The following EP400 variants were observed in gnomAD, a reference collection of about 807,000 sequenced individuals.
EP400 encodes the protein E1A-binding protein p400.
EP400 carries 105 observed loss-of-function variants against 354.1 expected under a neutral mutation model. The ratio of observed to expected loss-of-function variants is 0.30; its 90% CI spans 0.25 to 0.35. EP400 has a LOEUF of 0.35. Ranked by LOEUF, EP400 falls within the 10% of genes least tolerant of loss-of-function variation. The pLI is 1.00. For synonymous variants in EP400, 1,646 were observed against 1,716.9 expected (o/e 0.96, Z 1.02); for missense variants, 3,280 against 4,121.0 (o/e 0.80, Z 5.59).
chr12:132,022,098 T>G (rs1055747148), intron 23 of EP400, among the ~76,000 whole-genome samples: 1 of 152,226 alleles, frequency 6.6e-6, no homozygotes, highest in African/African-American at 2.4e-5. Flanking sequence ...TAATTCTCTT[T>G]CCTTACAAGT....
Position 131,960,713 on chromosome 12 carries a change from C to A in EP400, c.94C>A (p.Pro32Thr). The A allele has an allele frequency of 1.3e-6, 2 of 1,515,160 alleles. No individual in the cohort carries two copies. Among genetic ancestry groups the A allele is most frequent in the Admixed American group, 3.8e-5 (2 of 52,418 alleles). The allele number at this position is 1,515,160 out of a possible 1,614,324, so 93.9% of individuals were successfully genotyped here. Reference protein sequence around the residue: ...GSEGEEQPAHPNPPPSPAAPF... With the variant: ...GSEGEEQPAHTNPPPSPAAPF... ...CGAGGGTGAGGAGCAGCCGGCCCAC[C>A]CCAACCCACCCCCGTCCCCCGCAGC... Residue 32 changes from proline (P) to threonine (T), a missense_variant, in exon 2 of 53, where the codon CCC becomes ACC. Pro to Thr is a conservative substitution (Grantham distance 38). Around this residue, in one of 20 missense-constraint regions of EP400, gnomAD observed 172 missense variants for 242.9 expected, o/e 0.71. Transcript: ENST00000389561.
At chr12:132,034,495 C>G (rs1894627507) in intron 30 of EP400, among the ~76,000 whole-genome samples, 1 of 152,184 alleles carries the variant, frequency 6.6e-6, no homozygotes, top group Non-Finnish European at 1.5e-5. Context: ...TAAGGTGGTG[C>G]CAATGTGCTT....
chr12:131,988,124 G>A (rs1432127932), intron 7 of EP400, among the ~76,000 whole-genome samples: 4 of 151,486 alleles, frequency 2.6e-5, no homozygotes, highest in East Asian at 1.9e-4. Context: ...TGCTCGCCTC[G>A]GCCTCCTGGA....
In EP400 at chr12:131,986,623, C is replaced by T. The variant is rs771709071; in HGVS notation, c.2039C>T (p.Pro680Leu). The change falls in exon 6 of 53, where the codon CCC becomes CTC. Residue 680 changes from proline (P) to leucine (L), a missense_variant. Around this residue, in one of 20 missense-constraint regions of EP400, gnomAD observed 800 missense variants for 840.0 expected, o/e 0.95. Coordinates refer to ENST00000389561, the MANE Select transcript of EP400 (RefSeq NM_015409.5). ...LAPVSGSGPG[P>L]SPARSSPVNR... ...CCTGTGAGTGGCTCCGGCCCAGGAC[C>T]CTCCCCTGCTCGATCCTCTCCAGTA... 14 of 1,614,090 alleles carry T rather than the reference C, an allele frequency of 8.7e-6. No individual in the cohort carries two copies. Among genetic ancestry groups the T allele is most frequent in the African/African-American group, 1.3e-5 (1 of 75,050 alleles).
chr12:132,060,354 A>G (rs1183730622), intron 45 of EP400, among the ~76,000 whole-genome samples: 3 of 152,200 alleles, frequency 2.0e-5, no homozygotes, highest in Non-Finnish European at 4.4e-5. Flanking sequence ...TGAAGACAGA[A>G]TAGTTTTTGA....
At chr12:132,012,484 A>G (rs1184209603) in intron 16 of EP400, among the ~76,000 whole-genome samples, 1 of 152,224 alleles carries the variant, frequency 6.6e-6, no homozygotes, top group Non-Finnish European at 1.5e-5. Context: ...TTCATACTGC[A>G]CAAGTTCATC....
In EP400 at chr12:132,011,356, T is replaced by G. The variant is rs1290453621; in HGVS notation, c.3305-142T>G. On this transcript the variant is annotated intron_variant, in intron 15 of 52. Coordinates refer to ENST00000389561, the MANE Select transcript of EP400 (RefSeq NM_015409.5). ...GCTGGCTCCAGATGAATGCACTTGTTCCCCCCCAAGTCTGCCTCAGTCGTG... is the reference window on the plus strand; with the variant it reads ...GCTGGCTCCAGATGAATGCACTTGTGCCCCCCCAAGTCTGCCTCAGTCGTG... The G allele has an allele frequency of 1.5e-5, 15 of 1,019,104 alleles. No individual in the cohort carries two copies. In the East Asian group the frequency reaches 3.5e-4, roughly 24 times the overall value. 63.1% of individuals were successfully genotyped at this position (1,019,104 alleles called of 1,614,324 possible). A position where few individuals can be genotyped will look rare whatever the true frequency, so the allele number is the denominator to read the frequency against.
intron 2 of EP400, among the ~76,000 whole-genome samples, chr12:131,973,856 T>C (rs1319881608): frequency 6.6e-6 from 1 of 152,228 alleles, no homozygotes; most frequent in East Asian, 1.9e-4. Flanking sequence ...TGGTTATTTA[T>C]GTCTTATAAA....
At chr12:131,953,869 T>G (rs1047729983) in intron 1 of EP400, among the ~76,000 whole-genome samples, 4 of 152,134 alleles carry the variant, frequency 2.6e-5, no homozygotes, top group Non-Finnish European at 4.4e-5. Context: ...TCCAAGCACT[T>G]TGGGAGGCTG....
rs1158436678 is a variant in EP400 at position 132,079,346 on chromosome 12, AC to A, written c.*1676del. 1 of 152,276 alleles carries A rather than the reference AC, an allele frequency of 6.6e-6. No homozygotes were observed. The highest frequency in any genetic ancestry group is 2.4e-5 in the African/African-American group (1 of 41,472). 9.4% of individuals were successfully genotyped at this position (152,276 alleles called of 1,614,324 possible). On this transcript the variant is annotated 3_prime_UTR_variant, in exon 53 of 53. Coordinates refer to ENST00000389561, the MANE Select transcript of EP400 (RefSeq NM_015409.5). ...GACTGGAATCTGTTTGTTCTAACCAACCCGTTCTCCCTGGCTTGGCACGTGC... is the reference window on the plus strand; with the variant it reads ...GACTGGAATCTGTTTGTTCTAACCAACCGTTCTCCCTGGCTTGGCACGTGC...
At position 132,038,677 on chromosome 12, in the gene EP400, G is replaced by A. The variant is rs1565925055; in HGVS notation, c.6207+581G>A. Among the ~76,000 whole-genome samples, 1 of 152,180 alleles carries A rather than the reference G, an allele frequency of 6.6e-6. No individual in the cohort carries two copies. Among genetic ancestry groups the A allele is most frequent in the Admixed American group, 6.5e-5 (1 of 15,274 alleles). ...TAGTAGAAGATAGAGGGCATGTTTG[G>A]GTCCTTTGATTTTTCCCTTTTGGGG... is the stretch of plus-strand genomic sequence containing the variant. On this transcript the variant is annotated intron_variant, in intron 32 of 52. Transcript: ENST00000389561. This position sits in a 1 kb window ranked among gnomAD's most constrained non-coding sequence, Gnocchi z 4.2.
At chr12:132,065,958 T>C (rs941490084) in intron 48 of EP400, 1 of 152,234 alleles carries the variant, frequency 6.6e-6, no homozygotes, top group African/African-American at 2.4e-5. Flanking sequence ...CCTGCAGAGA[T>C]AACTGAACAT....
chr12:131,987,280 T>C (rs1364599872), intron 6 of EP400, among the ~76,000 whole-genome samples: 1 of 152,248 alleles, frequency 6.6e-6, no homozygotes, highest in Non-Finnish European at 1.5e-5. Flanking sequence ...ATAAACCCCA[T>C]GTTCCCCATT....
chr12:131,963,394 C>A, intron 2 of EP400: 1 of 647,072 alleles, frequency 1.5e-6, no homozygotes, highest in Non-Finnish European at 2.7e-6. Context: ...GTTCAGTATC[C>A]TTTCACAGGA....
At position 132,080,069 on chromosome 12, in the gene EP400, A is replaced by G. The variant is rs1183172487; in HGVS notation, c.*2396A>G. Reference sequence around the variant, plus strand: ...GTTGGAAACTTTGAGAACACAGACTATAAAGGCAGCAGCCCGAACACTGTC... The same window carrying G: ...GTTGGAAACTTTGAGAACACAGACTGTAAAGGCAGCAGCCCGAACACTGTC... On this transcript the variant is annotated 3_prime_UTR_variant, in exon 53 of 53. Coordinates refer to ENST00000389561, the MANE Select transcript of EP400 (RefSeq NM_015409.5). The G allele has an allele frequency of 1.3e-5, 2 of 152,382 alleles. No individual in the cohort carries two copies. Among genetic ancestry groups the G allele is most frequent in the Middle Eastern group, 3.4e-3 (1 of 294 alleles). 9.4% of individuals were successfully genotyped at this position (152,382 alleles called of 1,614,324 possible). A position where few individuals can be genotyped will look rare whatever the true frequency, so the allele number is the denominator to read the frequency against.
rs765073470 is a variant in EP400, at chr12:131,982,362, G to A, written c.1813G>A (p.Ala605Thr). The change falls in exon 5 of 53, where the codon GCA becomes ACA. Residue 605 changes from alanine (A) to threonine (T), a missense_variant. By Grantham distance (58) the Ala-to-Thr change is moderately conservative. Around this residue, in one of 20 missense-constraint regions of EP400, gnomAD observed 800 missense variants for 840.0 expected, o/e 0.95. Transcript: ENST00000389561. ...TCAGCAGCCCAATGTTCCCATCCCT[G>A]CACCGCCCAGCAGCCAACTCCCCAT... is the stretch of plus-strand genomic sequence containing the variant. ...KTQQPNVPIP[A>T]PPSSQLPIPP... 1 of 1,614,142 alleles carries A rather than the reference G, an allele frequency of 6.2e-7. No homozygotes were observed. The highest frequency in any genetic ancestry group is 2.2e-5 in the East Asian group (1 of 44,872).
In EP400 at chr12:131,983,391, G is replaced by A. The variant is rs116462989; in HGVS notation, c.1929+913G>A. On this transcript the variant is annotated intron_variant, in intron 5 of 52. Transcript: ENST00000389561. ...CTGATGCAGCTTGATACACATTTCA[G>A]GTAGTTAAAATGCCCCTCCTCCTCC... Among the ~76,000 whole-genome samples the A allele has an allele frequency of 2.0e-3, 304 of 152,364 alleles. 1 individual carries two copies. Among genetic ancestry groups the A allele is most frequent in the African/African-American group, 6.9e-3 (288 of 41,594 alleles).
intron 51 of EP400, among the ~76,000 whole-genome samples, chr12:132,071,710 A>G (rs1896073011): frequency 6.6e-6 from 1 of 152,050 alleles, no homozygotes; most frequent in Non-Finnish European, 1.5e-5. Context: ...TCTTCTGCAG[A>G]GCCCTGCTGC....
chr12:131,965,668 G>A (rs1055460214), intron 2 of EP400, among the ~76,000 whole-genome samples: 2 of 152,042 alleles, frequency 1.3e-5, no homozygotes, highest in African/African-American at 2.4e-5. Flanking sequence ...GTTCTCCATC[G>A]CTAATGATTT....
Sources: gnomAD v4.1 joint callset for allele counts (sites outside exome capture counted in the v4.1 genomes callset) on GRCh38, gnomAD v4.1.1 for gene constraint, gnomAD v4.1.1 regional missense constraint, Gnocchi (gnomAD v3.1) non-coding constraint, MANE v1.5 for transcripts, NCBI Gene and HGNC (gene_info 2026-07-23, HGNC 2026-07-21) for gene names.